The following FANCB variants were observed in gnomAD, a reference collection of about 807,000 sequenced individuals.
FANCB encodes the protein FA complementation group B.
Under a neutral mutation model 38.9 loss-of-function variants are expected in FANCB, and 5 were observed. That is an observed-to-expected ratio of 0.13 (90% CI 0.07 to 0.27). FANCB has a LOEUF of 0.27. FANCB is among the 10% of genes least tolerant of loss of function. The pLI, the probability that FANCB is intolerant of heterozygous loss-of-function variation, is 1.00. For missense variants in FANCB, 573 were observed against 602.7 expected (o/e 0.95, Z 0.52); for synonymous variants, 236 against 215.4 (o/e 1.10, Z -0.84).
chrX:14,720,474 G>C, the FANCB span, among the ~76,000 whole-genome samples: 1 of 111,583 alleles, frequency 9.0e-6, no homozygotes, highest in Non-Finnish European at 1.9e-5. Flanking sequence ...TTACTCAACA[G>C]ACAATATGGA....
chrX:14,704,904 G>A, the FANCB span, among the ~76,000 whole-genome samples: 1 of 111,932 alleles, frequency 8.9e-6, no homozygotes, highest in Non-Finnish European at 1.9e-5. Flanking sequence ...CTAATATGAG[G>A]TAGAGAATTT....
chrX:14,743,684 AG>A, the FANCB span, among the ~76,000 whole-genome samples: 2 of 108,030 alleles, frequency 1.9e-5, no homozygotes, highest in South Asian at 8.1e-4. Context: ...TTAGTTTCCT[AG>A]GGCTGCAGGA....
At chrX:14,771,604 G>A in the FANCB span, among the ~76,000 whole-genome samples, 1 of 111,475 alleles carries the variant, frequency 9.0e-6, no homozygotes, top group African/African-American at 3.3e-5. Context: ...AGTGTAGTTC[G>A]TTATTACCCA....
At chrX:14,738,651 A>G in the FANCB span, among the ~76,000 whole-genome samples, 1 of 112,004 alleles carries the variant, frequency 8.9e-6, no homozygotes, top group African/African-American at 3.2e-5. Flanking sequence ...ACATTTTTCA[A>G]TTCCTACCAC....
downstream of FANCB, among the ~76,000 whole-genome samples, chrX:14,833,839 C>A (rs188760635): frequency 9.6e-3 from 1,064 of 111,290 alleles, 8 homozygotes; most frequent in Middle Eastern, 0.028. Context: ...TATGTACACA[C>A]AAAAATTAGC....
the FANCB span, among the ~76,000 whole-genome samples, chrX:14,749,504 A>G: frequency 9.0e-6 from 1 of 111,702 alleles, no homozygotes; most frequent in Admixed American, 9.5e-5. Flanking sequence ...TGTACACTAC[A>G]GCCGTGTGGT....
downstream of FANCB, among the ~76,000 whole-genome samples, chrX:14,842,868 A>G (rs974152771): frequency 3.6e-5 from 4 of 111,839 alleles, no homozygotes; most frequent in South Asian, 1.5e-3. Flanking sequence ...ACATTCTTAT[A>G]GACTTACATA....
At chrX:14,709,245 G>A in the FANCB span, among the ~76,000 whole-genome samples, 2 of 110,940 alleles carry the variant, frequency 1.8e-5, no homozygotes, top group Non-Finnish European at 3.8e-5. Context: ...TTAAAAAGGA[G>A]TAGGGAAGGG....
chrX:14,850,996 C>T (rs1300227065), intron 6 of FANCB, among the ~76,000 whole-genome samples: 1 of 110,953 alleles, frequency 9.0e-6, no homozygotes, highest in Non-Finnish European at 1.9e-5. Flanking sequence ...CCCAGTTATA[C>T]TGAAAATAAT....
chrX:14,710,613 G>A, the FANCB span, among the ~76,000 whole-genome samples: 116 of 111,773 alleles, frequency 1.0e-3, no homozygotes, highest in Middle Eastern at 4.6e-3. Context: ...TATTATGTAC[G>A]TCAAAGATAA....
At chrX:14,796,277 G>C in the FANCB span, among the ~76,000 whole-genome samples, 4 of 108,736 alleles carry the variant, frequency 3.7e-5, no homozygotes, top group African/African-American at 1.3e-4. Context: ...TCATCTGAAG[G>C]CTTGACTGGG....
chrX:14,827,438 A>G, the FANCB span, among the ~76,000 whole-genome samples: 1 of 112,100 alleles, frequency 8.9e-6, no homozygotes, highest in Non-Finnish European at 1.9e-5. Context: ...CAGATCTTAC[A>G]CATTTCTTGT....
the FANCB span, among the ~76,000 whole-genome samples, chrX:14,825,407 T>C: frequency 8.9e-6 from 1 of 111,999 alleles, no homozygotes; most frequent in South Asian, 3.7e-4. Flanking sequence ...TGTGTTTCTG[T>C]TTAAGTATTT....
At chrX:14,761,522 G>T in the FANCB span, among the ~76,000 whole-genome samples, 15 of 110,495 alleles carry the variant, frequency 1.4e-4, no homozygotes, top group East Asian at 4.3e-3. Context: ...GCATAGGATT[G>T]AAAGATTACA....
chrX:14,834,307 A>T (rs979687367), downstream of FANCB, among the ~76,000 whole-genome samples: 15 of 112,335 alleles, frequency 1.3e-4, no homozygotes, highest in African/African-American at 4.5e-4. Flanking sequence ...AAAACTAAAC[A>T]GACATGTTGG....
chrX:14,708,024 A>C, the FANCB span, among the ~76,000 whole-genome samples: 4 of 108,074 alleles, frequency 3.7e-5, no homozygotes, highest in African/African-American at 1.4e-4. Context: ...TTCTTTCATG[A>C]GAACACTAAA....
chrX:14,783,672 C>A, the FANCB span, among the ~76,000 whole-genome samples: 1 of 111,343 alleles, frequency 9.0e-6, no homozygotes, highest in Non-Finnish European at 1.9e-5. Context: ...ATGTTGAACC[C>A]AAAAGGTAAG....
At chrX:14,782,124 C>A in the FANCB span, among the ~76,000 whole-genome samples, 5 of 112,235 alleles carry the variant, frequency 4.5e-5, no homozygotes, top group Admixed American at 4.7e-4. Flanking sequence ...ACAACTCTTT[C>A]TGGAAGAAAG....
chrX:14,816,841 C>A, the FANCB span, among the ~76,000 whole-genome samples: 1 of 112,029 alleles, frequency 8.9e-6, no homozygotes, highest in East Asian at 2.8e-4. Context: ...GAAACACCTT[C>A]TCCTAGATCT....
Sources: allele counts gnomAD v4.1 joint callset (sites outside exome capture counted in the v4.1 genomes callset), GRCh38; gene constraint gnomAD v4.1.1; transcripts MANE v1.5; gene names NCBI Gene and HGNC (gene_info 2026-07-23, HGNC 2026-07-21).